The following PELI3 variants were observed in gnomAD, a reference collection of about 807,000 sequenced individuals.
The protein encoded by PELI3 is pellino E3 ubiquitin protein ligase family member 3.
A neutral mutation model predicts 35.5 loss-of-function variants in PELI3; 19 were observed. The observed-to-expected ratio is 0.54, with a 90% CI of 0.37 to 0.79. PELI3 has a LOEUF of 0.79. Ranked by LOEUF, PELI3 falls within the 30% of genes least tolerant of loss-of-function variation. The probability of loss-of-function intolerance (pLI) is 0.00; values close to 1 mark genes in which losing one functional copy is unlikely to be tolerated. For synonymous variants in PELI3, 262 were observed against 279.2 expected (o/e 0.94, Z 0.62); for missense variants, 490 against 661.2 (o/e 0.74, Z 2.84).
In PELI3 at chr11:66,471,290, C is replaced by G. The variant is rs1340868187; in HGVS notation, c.273C>G (p.Arg91=). The G allele has an allele frequency of 2.5e-6, 4 of 1,613,784 alleles. No individual in the cohort carries two copies. The highest frequency in any genetic ancestry group is 1.7e-5 in the Admixed American group (1 of 60,026). ...GGGACAAGGGCCGCCGGCGAAGCCG[C>G]CTGGCACTGAGCCGCCGGTCGCACG... ...ASGDKGRRRS[R]LALSRRSHAN... Residue 91 remains arginine, a synonymous_variant, in exon 4 of 8, where the codon CGC becomes CGG. Transcript: ENST00000320740.
intron 3 of PELI3, 90 bp from the exon 4 acceptor site, chr11:66,471,152 C>T: frequency 6.9e-7 from 1 of 1,453,188 alleles, no homozygotes; most frequent in Non-Finnish European, 9.4e-7. Flanking sequence ...TAGAAGTTGG[C>T]AGTTTCCTCC....
rs758752277 is a variant in PELI3, at chr11:66,476,125, G to A, written c.1368G>A (p.Glu456=). 6.3e-7 allele frequency: 1 copy of A among 1,581,294 alleles called. No homozygotes were observed. The highest frequency in any genetic ancestry group is 2.3e-5 in the East Asian group (1 of 43,408). The change falls in exon 8 of 8, where the codon GAG becomes GAA. Residue 456 remains glutamate (E), a synonymous_variant. Coordinates refer to ENST00000320740, the MANE Select transcript of PELI3 (RefSeq NM_145065.3). The stretch of plus-strand genomic sequence containing the variant: ...TTTGCGGGGCCTGGCTTACCGGCGA[G>A]CATGGCTGCGTCCGCCTCATTTTCC... The part of the protein sequence containing the change: ...CPFCGAWLTG[E]HGCVRLIFQG...
At position 66,467,194 on chromosome 11, in the gene PELI3, C is replaced by T. The variant is rs1489378544; in HGVS notation, c.-2+167C>T. Among the ~76,000 whole-genome samples, 1 of 149,990 alleles carries T rather than the reference C, an allele frequency of 6.7e-6. No homozygotes were observed. Among genetic ancestry groups the T allele is most frequent in the East Asian group, 2.0e-4 (1 of 5,118 alleles). ...CTGCGGTCGCGGGTGCGGGTGGTCT[C>T]TGCGCCGTCCGGGCCCGGGGCGTGC... On this transcript the variant is annotated intron_variant, in intron 1 of 7. Coordinates refer to ENST00000320740, the MANE Select transcript of PELI3 (RefSeq NM_145065.3). This position sits in a 1 kb window ranked among gnomAD's most constrained non-coding sequence, Gnocchi z 4.2.
At chr11:66,472,599 C>T (rs1854763086) in intron 5 of PELI3, 129 bp downstream of exon 5, 1 of 705,176 alleles carries the variant, frequency 1.4e-6, no homozygotes, top group Non-Finnish European at 2.4e-6. Context: ...GCAGGATGTC[C>T]CGGTGTGGGC....
chr11:66,468,767 T>C, intron 2 of PELI3, 66 bp from the exon 3 acceptor site: 2 of 758,530 alleles, frequency 2.6e-6, no homozygotes, highest in Non-Finnish European at 2.5e-6. Context: ...ACATATCGAG[T>C]GTTCTGGGAG....
At position 66,476,326 on chromosome 11, in the gene PELI3, C is replaced by T; in HGVS notation, c.*159C>T. On this transcript the variant is annotated 3_prime_UTR_variant, in exon 8 of 8. Transcript: ENST00000320740. ...TGCCCTTCCCCCCAACTGTGGCCCC[C>T]CAAGGAGGTCCCCAAGATCTCCACC... The T allele has an allele frequency of 2.6e-6, 2 of 761,280 alleles. No homozygotes were observed. The highest frequency in any genetic ancestry group is 3.0e-5 in the Admixed American group (1 of 33,276). 47.2% of individuals were successfully genotyped at this position (761,280 alleles called of 1,614,324 possible).
chr11:66,475,719 A>G lies in PELI3; in HGVS notation c.962A>G (p.Gln321Arg), dbSNP rs771538584. 1 of 1,612,116 alleles carries G rather than the reference A, an allele frequency of 6.2e-7. No homozygotes were observed. Among genetic ancestry groups the G allele is most frequent in the South Asian group, 1.1e-5 (1 of 91,052 alleles). ...CCCACACTGAAGCAACTGGAGGCCC[A>G]GCGGCAGGAGGCAAATGCAGCGCGG... The part of the protein sequence containing the change: ...RAPTLKQLEA[Q>R]RQEANAARPQ... Residue 321 changes from glutamine to arginine, a missense_variant, in exon 8 of 8, where the codon CAG (glutamine) becomes CGG (arginine). This residue lies in a region of PELI3 where 349 missense variants were observed against 484.8 expected (regional missense o/e 0.72). Transcript: ENST00000320740.
intron 7 of PELI3, among the ~76,000 whole-genome samples, chr11:66,475,336 A>C (rs940676841): frequency 6.6e-6 from 1 of 152,234 alleles, no homozygotes; most frequent in African/African-American, 2.4e-5. Context: ...TTCAGAAAAC[A>C]TCTTATTTTA....
rs1245510891 is a variant in PELI3, at chr11:66,473,811, C to T, written c.726C>T (p.His242=). The T allele has an allele frequency of 1.2e-6, 2 of 1,613,918 alleles. No individual in the cohort carries two copies. The highest frequency in any genetic ancestry group is 1.1e-5 in the South Asian group (1 of 91,090). ...GLTTNGVLVM[H]PAGGFSEDSA... ...CCACCAATGGAGTCCTGGTGATGCA[C>T]CCGGCAGGCGGCTTCTCCGAGGACT... The change falls in exon 7 of 8, where the codon CAC becomes CAT. Residue 242 remains histidine, a synonymous_variant. Transcript: ENST00000320740. The surrounding 1 kb of genome is among the most constrained non-coding windows in gnomAD (Gnocchi z 5.8).
Position 66,473,336 on chromosome 11 carries a change from C to T in PELI3, c.552C>T (p.Ile184=). ...AAEGPSAQST[I]SRYACRILCD... ...AGGGCCCTTCTGCCCAGAGCACCAT[C>T]TCCCGCTATGCCTGCCGCATCCTCT... is the stretch of plus-strand genomic sequence containing the variant. The change falls in exon 6 of 8, where the codon ATC becomes ATT. Residue 184 remains isoleucine (I), a synonymous_variant. Transcript: ENST00000320740. The surrounding 1 kb of genome is among the most constrained non-coding windows in gnomAD (Gnocchi z 5.8). 3 of 1,613,496 alleles carry T rather than the reference C, an allele frequency of 1.9e-6. No individual in the cohort carries two copies. The highest frequency in any genetic ancestry group is 2.5e-6 in the Non-Finnish European group (3 of 1,180,016).
In PELI3 at chr11:66,473,395, A is replaced by G. The variant is rs1467672111; in HGVS notation, c.611A>G (p.Tyr204Cys). 3 of 1,613,556 alleles carry G rather than the reference A, an allele frequency of 1.9e-6. No homozygotes were observed. Among genetic ancestry groups the G allele is most frequent in the Non-Finnish European group, 2.5e-6 (3 of 1,179,944 alleles). ...DRRPPYTARI[Y>C]AAGFDASSNI... ...CGGCCACCCTATACTGCCCGCATCT[A>G]TGCCGCTGGCTTCGATGCCTCTAGC... is the stretch of plus-strand genomic sequence containing the variant. The change falls in exon 6 of 8, where the codon TAT becomes TGT. Residue 204 changes from tyrosine (Y) to cysteine (C), a missense_variant. Physicochemically the swap from Tyr to Cys is radical, Grantham distance 194. Transcript: ENST00000320740. The surrounding 1 kb of genome is among the most constrained non-coding windows in gnomAD (Gnocchi z 5.8).
rs1854558966 is a variant in PELI3 at position 66,467,123 on chromosome 11, T to G, written c.-2+96T>G. 7.1e-6 allele frequency: 1 copy of G among 141,250 alleles called. No individual in the cohort carries two copies. 8.7% of individuals were successfully genotyped at this position (141,250 alleles called of 1,614,324 possible). A position where few individuals can be genotyped will look rare whatever the true frequency, so the allele number is the denominator to read the frequency against. On this transcript the variant is annotated intron_variant, in intron 1 of 7. Transcript: ENST00000320740. This position sits in a 1 kb window ranked among gnomAD's most constrained non-coding sequence, Gnocchi z 4.2. The stretch of plus-strand genomic sequence containing the variant: ...GCGTGTCTGGGGGTGGTGGAGGGAG[T>G]GGGTCCGAGGGCGGGCGCCGGTGGC...
Position 66,473,246 on chromosome 11 carries a change from C to T in PELI3, c.462C>T (p.Gly154=), listed in dbSNP as rs1415947105. The part of the protein sequence containing the change: ...HDSDTDMFQI[G]RSTENMIDFV... ...TGCTCTCCCTGTCCTCACAGATTGG[C>T]CGCTCCACAGAGAACATGATTGACT... Residue 154 remains glycine, a synonymous_variant, in exon 6 of 8, where the codon GGC becomes GGT. Transcript: ENST00000320740. The surrounding 1 kb of genome is among the most constrained non-coding windows in gnomAD (Gnocchi z 5.8). 1 of 1,607,384 alleles carries T rather than the reference C, an allele frequency of 6.2e-7. No individual in the cohort carries two copies. The highest frequency in any genetic ancestry group is 1.1e-5 in the South Asian group (1 of 90,338).
chr11:66,469,605 A>G (rs1255980579), intron 3 of PELI3, among the ~76,000 whole-genome samples: 1 of 152,202 alleles, frequency 6.6e-6, no homozygotes, highest in Non-Finnish European at 1.5e-5. Context: ...TTTCCAGCCC[A>G]AGGCAAGGCC....
At position 66,468,878 on chromosome 11, in the gene PELI3, A is replaced by G; in HGVS notation, c.198A>G (p.Glu66=). ...AGGAAACCGAGGCTCAGAGAGGGGA[A>G]GTGACTGGCCCAAGGGCACACAGCT... The part of the protein sequence containing the change: ...GGEETEAQRG[E]VTGPRAHSCY... The change falls in exon 3 of 8, where the codon GAA becomes GAG. Residue 66 remains glutamate, a synonymous_variant. Coordinates refer to ENST00000320740, the MANE Select transcript of PELI3 (RefSeq NM_145065.3). 1.3e-6 allele frequency: 1 copy of G among 778,176 alleles called. No homozygotes were observed. The highest frequency in any genetic ancestry group is 1.3e-5 in the South Asian group (1 of 74,192). The allele number at this position is 778,176 out of a possible 1,614,324, so 48.2% of individuals were successfully genotyped here. A position where few individuals can be genotyped will look rare whatever the true frequency, so the allele number is the denominator to read the frequency against.
chr11:66,473,859 G>T lies in PELI3; in HGVS notation c.774G>T (p.Glu258Asp). 6.2e-7 allele frequency: 1 copy of T among 1,613,850 alleles called. No homozygotes were observed. Among genetic ancestry groups the T allele is most frequent in the Non-Finnish European group, 8.5e-7 (1 of 1,180,012 alleles). Residue 258 changes from glutamate (E) to aspartate (D), a missense_variant, in exon 7 of 8, where the codon GAG becomes GAT. Transcript: ENST00000320740. This position sits in a 1 kb window ranked among gnomAD's most constrained non-coding sequence, Gnocchi z 5.8. Reference protein sequence around the residue: ...SEDSAPGVWREISVCGNVYTL... With the variant: ...SEDSAPGVWRDISVCGNVYTL... ...ACTCAGCCCCGGGTGTCTGGCGGGA[G>T]ATCTCGGTCTGTGGGAATGTGTACA...
intron 4 of PELI3, 62 bp downstream of exon 4, chr11:66,471,433 C>T: frequency 6.3e-7 from 1 of 1,581,716 alleles, no homozygotes; most frequent in Non-Finnish European, 8.6e-7. Flanking sequence ...AGGTCTTCGG[C>T]CTTCCAGGTC....
Position 66,473,231 on chromosome 11 carries a change from G to C in PELI3, c.457-10G>C. ...CATACAGTCCCTGCTTGCTCTCCCTGTCCTCACAGATTGGCCGCTCCACAG... is the reference window on the plus strand; with the variant it reads ...CATACAGTCCCTGCTTGCTCTCCCTCTCCTCACAGATTGGCCGCTCCACAG... On this transcript the variant is annotated splice_polypyrimidine_tract_variant and intron_variant, in intron 5 of 7. Coordinates refer to ENST00000320740, the MANE Select transcript of PELI3 (RefSeq NM_145065.3). The surrounding 1 kb of genome is among the most constrained non-coding windows in gnomAD (Gnocchi z 5.8). The C allele has an allele frequency of 6.2e-7, 1 of 1,602,112 alleles. No individual in the cohort carries two copies. The highest frequency in any genetic ancestry group is 2.2e-5 in the East Asian group (1 of 44,770).
rs138396296 is a variant in PELI3, at chr11:66,475,810, C to T, written c.1053C>T (p.Pro351=). The change falls in exon 8 of 8, where the codon CCC becomes CCT. Residue 351 remains proline, a synonymous_variant. Transcript: ENST00000320740. ...GCCCAGCCCGTGGCCGCACAGCGCC[C>T]GACAAACAGCAGCCCTGGGTCTACG... ...FPSPARGRTA[P]DKQQPWVYVR... The T allele has an allele frequency of 1.9e-5, 30 of 1,607,796 alleles. No individual in the cohort carries two copies. Among genetic ancestry groups the T allele is most frequent in the Admixed American group, 8.4e-5 (5 of 59,432 alleles).
Sources: allele counts gnomAD v4.1 joint callset (sites outside exome capture counted in the v4.1 genomes callset), GRCh38; gene constraint gnomAD v4.1.1; regional missense constraint gnomAD v4.1.1; non-coding constraint Gnocchi (gnomAD v3.1); transcripts MANE v1.5; gene names NCBI Gene and HGNC (gene_info 2026-07-23, HGNC 2026-07-21).